CLEC9A: variants seen among roughly 807,000 people sequenced by gnomAD.
CLEC9A encodes C-type lectin domain family 9 member A.
CLEC9A carries 24 observed loss-of-function variants against 30.0 expected under a neutral mutation model. The ratio of observed to expected loss-of-function variants is 0.80; its 90% confidence interval spans 0.58 to 1.13. The LOEUF is 1.13. Ranked by LOEUF, CLEC9A falls within the 50% of genes most tolerant of loss-of-function variation. The pLI is 0.00. For synonymous variants in CLEC9A, 111 were observed against 96.8 expected, an observed-to-expected ratio of 1.15 and a Z score of -0.86; for missense variants, 251 against 280.9, an observed-to-expected ratio of 0.89 and a Z score of 0.76.
chr12:10,061,959 T>G (rs1039097218), intron 6 of CLEC9A, among the ~76,000 whole-genome samples: 1 of 152,190 alleles, frequency 6.6e-6, no homozygotes, highest in African/African-American at 2.4e-5. Flanking sequence ...CAACCATAGT[T>G]CCTTCTGATT....
chr12:10,046,382 T>C (rs981806549), intron 2 of CLEC9A, among the ~76,000 whole-genome samples: 2 of 152,354 alleles, frequency 1.3e-5, no homozygotes, highest in African/African-American at 2.4e-5. Flanking sequence ...AGTAATTTTT[T>C]GTGCAAAAGA....
Position 10,065,503 on chromosome 12 carries a change from G to A in CLEC9A, c.597G>A (p.Leu199=). Residue 199 remains leucine, a synonymous_variant, in exon 9 of 9, where the codon TTG becomes TTA. Coordinates refer to ENST00000355819, the MANE Select transcript of CLEC9A (RefSeq NM_207345.4). ...AAATGTTGACTTGCTTTTCCAGGTT[G>A]CCAGCAGAGAGATCCCAGTCAGCTA... ...QDGSSPSPGL[L]PAERSQSANQ... 1.2e-6 allele frequency: 2 copies of A among 1,613,614 alleles called. No homozygotes were observed. The highest frequency in any genetic ancestry group is 1.7e-6 in the Non-Finnish European group (2 of 1,179,738).
intron 2 of CLEC9A, among the ~76,000 whole-genome samples, chr12:10,049,749 A>G (rs184261423): frequency 1.3e-4 from 20 of 152,294 alleles, no homozygotes; most frequent in Admixed American, 9.8e-4. Context: ...AATTGGCTTG[A>G]TCTTCTATCT....
Position 10,064,970 on chromosome 12 carries a change from G to A in CLEC9A, c.593+117G>A, listed in dbSNP as rs1866030727. 8 of 1,256,292 alleles carry A rather than the reference G, an allele frequency of 6.4e-6. No individual in the cohort carries two copies. The South Asian group carries it at 1.4e-4, about 22-fold the overall frequency. The allele number at this position is 1,256,292 out of a possible 1,614,324, so 77.8% of individuals were successfully genotyped here. A position where few individuals can be genotyped will look rare whatever the true frequency, so the allele number is the denominator to read the frequency against. On this transcript the variant is annotated intron_variant, in intron 8 of 8. Coordinates refer to ENST00000355819, the MANE Select transcript of CLEC9A (RefSeq NM_207345.4). ...GGACAAGCAGCATGATAATGTTACAGGCGGCTAATTGGGATTAAAGCTAAC... is the reference window on the plus strand; with the variant it reads ...GGACAAGCAGCATGATAATGTTACAAGCGGCTAATTGGGATTAAAGCTAAC...
At chr12:10,054,243 G>C in intron 4 of CLEC9A, 28 bp from the exon 5 acceptor site, 2 of 1,560,596 alleles carry the variant, frequency 1.3e-6, no homozygotes, top group Middle Eastern at 1.7e-4. Flanking sequence ...TCTCTAACTC[G>C]GTATCATTTT....
Position 10,032,389 on chromosome 12 carries a change from CT to C in CLEC9A, c.-318+1436del, listed in dbSNP as rs10647036. Among the ~76,000 whole-genome samples, 374 of 117,224 alleles carry C rather than the reference CT, an allele frequency of 3.2e-3. 1 individual carries two copies. The highest frequency in any genetic ancestry group is 0.011 in the African/African-American group (348 of 30,900). 76.9% of individuals were successfully genotyped at this position (117,224 alleles called of 152,430 possible). On this transcript the variant is annotated intron_variant, in intron 1 of 8. Coordinates refer to ENST00000355819, the MANE Select transcript of CLEC9A (RefSeq NM_207345.4). ...CATCCACCTACCTCCTTAGGGATTT[CT>C]TTTTTTTTTTTTTTTTTTGAGACGG...
intron 2 of CLEC9A, among the ~76,000 whole-genome samples, chr12:10,043,705 T>G (rs940845463): frequency 6.6e-6 from 1 of 151,008 alleles, no homozygotes; most frequent in African/African-American, 2.4e-5. Flanking sequence ...GAGAGAGAGA[T>G]GGAGTCTCGC....
intron 6 of CLEC9A, among the ~76,000 whole-genome samples, chr12:10,062,507 C>A (rs1232539638): frequency 6.6e-6 from 1 of 152,194 alleles, no homozygotes; most frequent in Non-Finnish European, 1.5e-5. Flanking sequence ...GCATATTGTT[C>A]ATTTATGTTC....
Position 10,064,755 on chromosome 12 carries a change from G to A in CLEC9A, c.495G>A (p.Arg165=), listed in dbSNP as rs1488874802. ...EEMDFITGSL[R]KIKGSYDYWV... ...AGGATTTTATCACTGGCAGCTTGAGGAAGATTAAAGGAAGCTATGATTACT... is the reference window on the plus strand; with the variant it reads ...AGGATTTTATCACTGGCAGCTTGAGAAAGATTAAAGGAAGCTATGATTACT... The change falls in exon 8 of 9, where the codon AGG becomes AGA. Residue 165 remains arginine, a synonymous_variant. Coordinates refer to ENST00000355819, the MANE Select transcript of CLEC9A (RefSeq NM_207345.4). 11 of 1,611,826 alleles carry A rather than the reference G, an allele frequency of 6.8e-6. No individual in the cohort carries two copies. Among genetic ancestry groups the A allele is most frequent in the Non-Finnish European group, 8.5e-6 (10 of 1,178,938 alleles).
At chr12:10,052,954 G>C (rs1865908724) in intron 4 of CLEC9A, 176 bp downstream of exon 4, 1 of 651,308 alleles carries the variant, frequency 1.5e-6, no homozygotes, top group Non-Finnish European at 2.4e-6. Flanking sequence ...GAAAAATAAA[G>C]AGAGCAATAC....
At chr12:10,036,719 G>C (rs1865746740) in intron 1 of CLEC9A, among the ~76,000 whole-genome samples, 1 of 152,166 alleles carries the variant, frequency 6.6e-6, no homozygotes, top group Non-Finnish European at 1.5e-5. Context: ...TATACACATA[G>C]ATAATAGAGT....
chr12:10,043,688 A>G (rs1226494930), intron 2 of CLEC9A, among the ~76,000 whole-genome samples: 4 of 149,770 alleles, frequency 2.7e-5, no homozygotes, highest in Non-Finnish European at 4.4e-5. Flanking sequence ...ATATATATAT[A>G]TAGACAGAGA....
chr12:10,044,716 T>G (rs971607829), intron 2 of CLEC9A, among the ~76,000 whole-genome samples: 2 of 152,208 alleles, frequency 1.3e-5, no homozygotes, highest in African/African-American at 2.4e-5. Context: ...ACTGTTTTGT[T>G]TCTTTGTAAC....
chr12:10,032,800 T>C (rs1865711892), intron 1 of CLEC9A, among the ~76,000 whole-genome samples: 1 of 152,054 alleles, frequency 6.6e-6, no homozygotes. Flanking sequence ...TGGTATAATA[T>C]CTCCTATGTT....
intron 1 of CLEC9A, chr12:10,040,859 CA>C: frequency 1.0e-5 from 2 of 196,134 alleles, no homozygotes; most frequent in Non-Finnish European, 1.1e-5. Context: ...TGTCATGCAG[CA>C]AAATTACCTA....
chr12:10,040,452 AT>A (rs11452760), intron 1 of CLEC9A, among the ~76,000 whole-genome samples: 2,266 of 137,046 alleles, frequency 0.017, 22 homozygotes, highest in Non-Finnish European at 0.024. Flanking sequence ...TACATTGGCA[AT>A]TTTTTTTTTT....
At chr12:10,057,586 G>A (rs187616863) in intron 5 of CLEC9A, among the ~76,000 whole-genome samples, 133 of 151,702 alleles carry the variant, frequency 8.8e-4, no homozygotes, top group Admixed American at 1.5e-3. Flanking sequence ...TATTGTTTTG[G>A]GAATATGGTT....
chr12:10,059,447 G>A (rs1865975957), intron 5 of CLEC9A, among the ~76,000 whole-genome samples: 1 of 152,292 alleles, frequency 6.6e-6, no homozygotes, highest in South Asian at 2.1e-4. Context: ...CTTAAAAGTA[G>A]AGCATAAAAC....
chr12:10,058,502 G>A (rs919659697), intron 5 of CLEC9A, among the ~76,000 whole-genome samples: 47 of 152,136 alleles, frequency 3.1e-4, no homozygotes, highest in African/African-American at 1.1e-3. Flanking sequence ...CAGCAGCAAT[G>A]TTGATAAGTA....
Sources: allele counts gnomAD v4.1 joint callset (sites outside exome capture counted in the v4.1 genomes callset), GRCh38; gene constraint gnomAD v4.1.1; transcripts MANE v1.5; gene names NCBI Gene and HGNC (gene_info 2026-07-23, HGNC 2026-07-21).